The following XKR9 variants were observed in gnomAD, a reference collection of about 807,000 sequenced individuals.
The protein encoded by XKR9 is XK related 9.
A neutral mutation model predicts 32.0 loss-of-function variants in XKR9; 32 were observed. The ratio of observed to expected loss-of-function variants is 1.00; its 90% confidence interval spans 0.76 to 1.34. The LOEUF is 1.34. XKR9 is among the 40% of genes most tolerant of loss of function. XKR9 has a pLI of 0.00. For missense variants in XKR9, 546 were observed against 429.7 expected, an observed-to-expected ratio of 1.27 and a Z score of -2.39; for synonymous variants, 168 against 143.4, an observed-to-expected ratio of 1.17 and a Z score of -1.22.
At chr8:70,904,789 T>G in the XKR9 span, among the ~76,000 whole-genome samples, 6 of 152,228 alleles carry the variant, frequency 3.9e-5, no homozygotes, top group African/African-American at 7.2e-5. Flanking sequence ...TAGTGCTTCC[T>G]TTGGGAGCTC....
the XKR9 span, among the ~76,000 whole-genome samples, chr8:70,863,285 T>A: frequency 6.6e-6 from 1 of 152,186 alleles, no homozygotes; most frequent in Non-Finnish European, 1.5e-5. Flanking sequence ...TCTTGATACA[T>A]AAAAGAATAA....
At chr8:71,019,447 A>G in the XKR9 span, among the ~76,000 whole-genome samples, 1 of 152,222 alleles carries the variant, frequency 6.6e-6, no homozygotes, top group African/African-American at 2.4e-5. Context: ...TGGCTAAAAG[A>G]GAAAGCTTTA....
At chr8:70,887,037 AG>A in the XKR9 span, among the ~76,000 whole-genome samples, 1 of 152,060 alleles carries the variant, frequency 6.6e-6, no homozygotes. Flanking sequence ...GTTTCCTTCC[AG>A]GGTTTTTATA....
At chr8:70,842,655 G>A in the XKR9 span, among the ~76,000 whole-genome samples, 164 of 152,016 alleles carry the variant, frequency 1.1e-3, no homozygotes, top group Non-Finnish European at 1.9e-3. Context: ...GAGAAACCTG[G>A]CTCTCATTAT....
chr8:70,930,455 T>A, the XKR9 span, among the ~76,000 whole-genome samples: 1 of 152,172 alleles, frequency 6.6e-6, no homozygotes, highest in African/African-American at 2.4e-5. Flanking sequence ...CTCCATGCCT[T>A]AGCATATTTT....
chr8:70,732,426 C>T (rs1022979994), intron 4 of XKR9, among the ~76,000 whole-genome samples: 2 of 152,210 alleles, frequency 1.3e-5, no homozygotes, highest in Non-Finnish European at 2.9e-5. Context: ...GCAGAGTCAA[C>T]CCCCAGTCCA....
At chr8:71,003,930 C>T in the XKR9 span, among the ~76,000 whole-genome samples, 1 of 152,082 alleles carries the variant, frequency 6.6e-6, no homozygotes, top group African/African-American at 2.4e-5. Context: ...AGAGCATGAG[C>T]TTTGTGTGGA....
intron 2 of XKR9, among the ~76,000 whole-genome samples, chr8:70,770,765 C>G (rs1015807558): frequency 6.6e-6 from 1 of 152,182 alleles, no homozygotes; most frequent in Non-Finnish European, 1.5e-5. Context: ...CCCCTCCCCC[C>G]ACCAACCTGG....
At chr8:70,918,282 A>G in the XKR9 span, among the ~76,000 whole-genome samples, 1 of 152,320 alleles carries the variant, frequency 6.6e-6, no homozygotes, top group Admixed American at 6.5e-5. Context: ...AACCCAACAA[A>G]GATGGGTGCA....
rs111647827 is a variant in XKR9, at chr8:70,674,250, A to C, written c.-360-568A>C. Among the ~76,000 whole-genome samples the C allele has an allele frequency of 3.8e-3, 575 of 152,320 alleles. 1 individual carries two copies. Among genetic ancestry groups the C allele is most frequent in the Non-Finnish European group, 6.0e-3 (409 of 68,030 alleles). The stretch of plus-strand genomic sequence containing the variant: ...GATTGCAAGGAGAAAGGGGAGAAAC[A>C]TACTGGGATGATCTGGGAAAGCCTA... On this transcript the variant is annotated intron_variant, in intron 1 of 4. Transcript: ENST00000408926.
At chr8:70,728,849 C>T (rs1045338180) in intron 4 of XKR9, among the ~76,000 whole-genome samples, 2 of 152,148 alleles carry the variant, frequency 1.3e-5, no homozygotes, top group East Asian at 3.8e-4. Context: ...GAACTCTGTT[C>T]CATAAGGAAT....
the XKR9 span, among the ~76,000 whole-genome samples, chr8:70,956,672 G>A: frequency 6.6e-6 from 1 of 152,186 alleles, no homozygotes; most frequent in Non-Finnish European, 1.5e-5. Flanking sequence ...TCCCGTGCCT[G>A]TTGGTACCCC....
At chr8:70,908,851 C>T in the XKR9 span, among the ~76,000 whole-genome samples, 1 of 152,132 alleles carries the variant, frequency 6.6e-6, no homozygotes, top group Non-Finnish European at 1.5e-5. Context: ...GTCCATGGGC[C>T]ATAGTTTGCC....
At chr8:70,843,539 C>T in the XKR9 span, among the ~76,000 whole-genome samples, 3 of 152,110 alleles carry the variant, frequency 2.0e-5, no homozygotes, top group African/African-American at 7.2e-5. Flanking sequence ...TCAAATAGAT[C>T]TTCTAAGAGA....
the XKR9 span, among the ~76,000 whole-genome samples, chr8:71,030,731 T>G: frequency 1.3e-5 from 2 of 152,168 alleles, no homozygotes; most frequent in Non-Finnish European, 2.9e-5. Flanking sequence ...AGAAGAGAAC[T>G]TAAGCAAAGA....
chr8:70,804,686 G>A, the XKR9 span, among the ~76,000 whole-genome samples: 1 of 152,158 alleles, frequency 6.6e-6, no homozygotes, highest in Non-Finnish European at 1.5e-5. Context: ...GAGTTTTTGT[G>A]TAGTTTTAAA....
chr8:70,868,070 C>T, the XKR9 span, among the ~76,000 whole-genome samples: 2 of 152,240 alleles, frequency 1.3e-5, no homozygotes, highest in Non-Finnish European at 2.9e-5. Flanking sequence ...GGCGGGCTCC[C>T]ATGGCCTTGA....
At chr8:70,830,563 GGCGACAGAACGA>G in the XKR9 span, among the ~76,000 whole-genome samples, 2 of 152,088 alleles carry the variant, frequency 1.3e-5, no homozygotes, top group Non-Finnish European at 1.5e-5. Flanking sequence ...TTCCAGCCTG[GGCGACAGAACGA>G]GACCCTGTCT....
At chr8:70,844,558 G>C in the XKR9 span, among the ~76,000 whole-genome samples, 1 of 152,164 alleles carries the variant, frequency 6.6e-6, no homozygotes, top group Non-Finnish European at 1.5e-5. Context: ...ACCTTGCCCT[G>C]CTCACTACAG....
Sources: allele counts gnomAD v4.1 joint callset (sites outside exome capture counted in the v4.1 genomes callset), GRCh38; gene constraint gnomAD v4.1.1; transcripts MANE v1.5; gene names NCBI Gene and HGNC (gene_info 2026-07-23, HGNC 2026-07-21).